Variants in TPH2 observed in about 807,000 individuals in gnomAD.
TPH2 encodes the protein tryptophan 5-hydroxylase 2.
In TPH2, 27 loss-of-function variants were observed where a neutral mutation model predicts 59.1. The ratio of observed to expected loss-of-function variants is 0.46; its 90% confidence interval spans 0.34 to 0.63. The LOEUF (loss-of-function observed/expected upper bound fraction) is 0.63, where lower values mean the gene tolerates loss of function less well. Ranked by LOEUF, TPH2 falls within the 30% of genes least tolerant of loss-of-function variation. The probability of loss-of-function intolerance (pLI) is 0.01; values close to 1 mark genes in which losing one functional copy is unlikely to be tolerated. For missense variants in TPH2, 523 were observed against 588.3 expected (o/e 0.89, Z 1.15); for synonymous variants, 220 against 210.5 (o/e 1.05, Z -0.39).
chr12:71,948,704 T>C (rs1176383611), intron 4 of TPH2, among the ~76,000 whole-genome samples: 1 of 152,198 alleles, frequency 6.6e-6, no homozygotes, highest in East Asian at 1.9e-4. Flanking sequence ...TGCTTCCTGG[T>C]TATCCTTCCA....
At chr12:71,949,830 T>C (rs1871296328) in intron 5 of TPH2, among the ~76,000 whole-genome samples, 175 bp downstream of exon 5, 1 of 152,170 alleles carries the variant, frequency 6.6e-6, no homozygotes, top group African/African-American at 2.4e-5. Context: ...GACATCTGGG[T>C]ATAATTGTAA....
At position 71,987,050 on chromosome 12, in the gene TPH2, G is replaced by A. The variant is rs769997848; in HGVS notation, c.942-7389G>A. Among the ~76,000 whole-genome samples the A allele has an allele frequency of 8.5e-5, 13 of 152,182 alleles. 1 individual carries two copies. The South Asian group carries it at 1.9e-3, about 22-fold the overall frequency. On this transcript the variant is annotated intron_variant, in intron 7 of 10. Transcript: ENST00000333850. ...AGCAGACATTTCCCACACACGTTCT[G>A]TTTGTCTGGCATCATCCCACTCATC...
In TPH2 at chr12:71,949,784, C is replaced by T. The variant is rs1592861637; in HGVS notation, c.608+129C>T. On this transcript the variant is annotated intron_variant, in intron 5 of 10. Transcript: ENST00000333850. ...GGTGTGAACCATTTTAAACACTCAC[C>T]AACTCTGTAGGCTTTAAATGCCAAC... 7 of 746,942 alleles carry T rather than the reference C, an allele frequency of 9.4e-6. No homozygotes were observed. The East Asian group carries it at 1.9e-4, about 20-fold the overall frequency. The allele number at this position is 746,942 out of a possible 1,614,324, so 46.3% of individuals were successfully genotyped here.
intron 5 of TPH2, among the ~76,000 whole-genome samples, chr12:71,957,383 C>A (rs1262376391): frequency 1.5e-5 from 2 of 132,664 alleles, no homozygotes; most frequent in African/African-American, 5.8e-5. Flanking sequence ...GTCACCCAGG[C>A]TGGAGTGCAG....
intron 8 of TPH2, among the ~76,000 whole-genome samples, chr12:72,008,107 G>C (rs1465083659): frequency 6.6e-6 from 1 of 152,176 alleles, no homozygotes; most frequent in Non-Finnish European, 1.5e-5. Context: ...TGAAGGCAAA[G>C]ATAGAAGAAG....
chr12:71,972,015 A>C (rs1472114937), intron 5 of TPH2, among the ~76,000 whole-genome samples: 1 of 152,204 alleles, frequency 6.6e-6, no homozygotes, highest in Non-Finnish European at 1.5e-5. Flanking sequence ...TAAATTCAGC[A>C]TAGTCTTTCA....
intron 5 of TPH2, among the ~76,000 whole-genome samples, chr12:71,952,492 G>T (rs1871376951): frequency 6.6e-6 from 1 of 152,136 alleles, no homozygotes; most frequent in South Asian, 2.1e-4. Flanking sequence ...CTCACAAAAT[G>T]ATCCTTATAG....
At chr12:72,027,212 T>C (rs1047169340) in intron 9 of TPH2, among the ~76,000 whole-genome samples, 1 of 152,170 alleles carries the variant, frequency 6.6e-6, no homozygotes, top group African/African-American at 2.4e-5. Flanking sequence ...GACACTATCA[T>C]AGTCTAGGAC....
chr12:71,978,828 CAA>C (rs946240446), intron 6 of TPH2, 122 bp from the exon 7 acceptor site: 1 of 1,239,626 alleles, frequency 8.1e-7, no homozygotes, highest in African/African-American at 1.5e-5. Flanking sequence ...ACTCAGTTGT[CAA>C]GAGGTTTATG....
At chr12:71,942,679 G>A (rs1272992759) in intron 2 of TPH2, among the ~76,000 whole-genome samples, 1 of 152,200 alleles carries the variant, frequency 6.6e-6, no homozygotes, top group Non-Finnish European at 1.5e-5. Flanking sequence ...GAGTGAAAGT[G>A]CTTTGTAAAG....
At position 72,032,068 on chromosome 12, in the gene TPH2, T is replaced by A; in HGVS notation, c.*373T>A. The A allele has an allele frequency of 8.6e-6, 2 of 231,752 alleles. No individual in the cohort carries two copies. Among genetic ancestry groups the A allele is most frequent in the Non-Finnish European group, 1.7e-5 (2 of 115,332 alleles). The allele number at this position is 231,752 out of a possible 1,614,324, so 14.4% of individuals were successfully genotyped here. ...TTTCCTCTGTGTTCATTAGATAAAA[T>A]GAAAAAAAGCAGTGAAGCTGTTTCC... On this transcript the variant is annotated 3_prime_UTR_variant, in exon 11 of 11. Coordinates refer to ENST00000333850, the MANE Select transcript of TPH2 (RefSeq NM_173353.4).
At chr12:71,986,168 C>T (rs777409824) in intron 7 of TPH2, among the ~76,000 whole-genome samples, 4 of 152,274 alleles carry the variant, frequency 2.6e-5, no homozygotes, top group South Asian at 2.1e-4. Flanking sequence ...GTATGACTGT[C>T]GGCAAGCCAT....
chr12:71,996,623 A>C (rs1872700462), intron 8 of TPH2, among the ~76,000 whole-genome samples: 1 of 152,144 alleles, frequency 6.6e-6, no homozygotes, highest in Non-Finnish European at 1.5e-5. Context: ...GACCTTGAAT[A>C]GCCATAAACT....
rs1873730538 is a variant in TPH2 at position 72,031,761 on chromosome 12, T to C, written c.*66T>C. 1.9e-6 allele frequency: 3 copies of C among 1,587,616 alleles called. No individual in the cohort carries two copies. The highest frequency in any genetic ancestry group is 1.3e-5 in the African/African-American group (1 of 74,346). ...CTTAGCAGCAGTTCAGTCAATGTCATATAACGCAAATAACCTTCTGTGTCA... is the reference window on the plus strand; with the variant it reads ...CTTAGCAGCAGTTCAGTCAATGTCACATAACGCAAATAACCTTCTGTGTCA... On this transcript the variant is annotated 3_prime_UTR_variant, in exon 11 of 11. Transcript: ENST00000333850.
At chr12:72,001,580 G>A (rs1319992556) in intron 8 of TPH2, among the ~76,000 whole-genome samples, 1 of 151,908 alleles carries the variant, frequency 6.6e-6, no homozygotes, top group Non-Finnish European at 1.5e-5. Context: ...CATGTGCCCG[G>A]CTAATTTTTG....
intron 8 of TPH2, among the ~76,000 whole-genome samples, chr12:71,996,169 T>C (rs531747374): frequency 4.6e-5 from 7 of 152,376 alleles, no homozygotes; most frequent in East Asian, 3.9e-4. Flanking sequence ...CTCACTCATG[T>C]GGCTATTGGC....
At chr12:71,971,497 T>A (rs1179015429) in intron 5 of TPH2, among the ~76,000 whole-genome samples, 2 of 152,180 alleles carry the variant, frequency 1.3e-5, no homozygotes, top group East Asian at 3.9e-4. Flanking sequence ...AAGCACATGT[T>A]TGTATTCTCC....
At chr12:71,989,891 T>C (rs2139218192) in intron 7 of TPH2, among the ~76,000 whole-genome samples, 1 of 152,202 alleles carries the variant, frequency 6.6e-6, no homozygotes, top group East Asian at 1.9e-4. Context: ...TAGCAGGGCT[T>C]ATCAGAGAAG....
intron 5 of TPH2, among the ~76,000 whole-genome samples, chr12:71,959,899 A>T (rs1318879634): frequency 1.3e-5 from 2 of 152,138 alleles, no homozygotes; most frequent in African/African-American, 4.8e-5. Flanking sequence ...TGTGATGTGA[A>T]ACCAAGCTTT....
Sources: gnomAD v4.1 joint callset for allele counts (sites outside exome capture counted in the v4.1 genomes callset) on GRCh38, gnomAD v4.1.1 for gene constraint, MANE v1.5 for transcripts, NCBI Gene and HGNC (gene_info 2026-07-23, HGNC 2026-07-21) for gene names.